Variants in COQ6 observed in about 807,000 individuals in gnomAD.
COQ6 encodes the protein coenzyme Q6, monooxygenase.
COQ6 carries 45 observed loss-of-function variants against 55.5 expected under a neutral mutation model. The ratio of observed to expected loss-of-function variants is 0.81; its 90% CI spans 0.64 to 1.04. The LOEUF (loss-of-function observed/expected upper bound fraction) is 1.04, where lower values mean the gene tolerates loss of function less well. Among genes scored for constraint, COQ6 ranks in the 50% least tolerant of loss-of-function variants. The pLI is 0.00. For missense variants in COQ6, 550 were observed against 601.3 expected, an observed-to-expected ratio of 0.91 and a Z score of 0.89; for synonymous variants, 206 against 230.5, an observed-to-expected ratio of 0.89 and a Z score of 0.96.
chr14:73,962,932 T>C (rs1555359130), intron 11 of COQ6, 38 bp from the exon 12 acceptor site: 2 of 1,518,160 alleles, frequency 1.3e-6, no homozygotes, highest in East Asian at 2.3e-5. Context: ...TTCACCTTAC[T>C]GTGTTAAGAG....
rs562083343 is a variant in COQ6 at position 73,952,628 on chromosome 14, C to T, written c.164-807C>T. ...GCTTGAGCAATCCTCCCACCTCGGC[C>T]TCCCAAAATGCTGAGATTACAGGCG... On this transcript the variant is annotated intron_variant, in intron 1 of 11. Coordinates refer to ENST00000334571, the MANE Select transcript of COQ6 (RefSeq NM_182476.3). 3.3e-5 allele frequency among the ~76,000 whole-genome samples: 5 copies of T among 152,150 alleles called. No individual in the cohort carries two copies. In the South Asian group the frequency reaches 6.2e-4, roughly 19 times the overall value.
At chr14:73,959,375 C>T (rs757765575) in intron 7 of COQ6, 40 bp from the exon 8 acceptor site, 2 of 1,614,064 alleles carry the variant, frequency 1.2e-6, no homozygotes, top group Admixed American at 1.7e-5. Flanking sequence ...CCAAGTGCAG[C>T]AGAGTCTTAG....
chr14:73,950,230 T>A (rs755525286), upstream of COQ6: 8 of 1,538,966 alleles, frequency 5.2e-6, no homozygotes, highest in African/African-American at 1.1e-4. Context: ...TTTCCGGTTC[T>A]GAGGACGCCG....
chr14:73,959,916 C>G (rs1213741668), intron 8 of COQ6: 28 of 1,175,288 alleles, frequency 2.4e-5, no homozygotes, highest in Non-Finnish European at 2.9e-5. Context: ...AGTCAGCTGT[C>G]CCTTTCTACT....
chr14:73,962,878 T>A, intron 11 of COQ6, 92 bp from the exon 12 acceptor site: 1 of 1,091,042 alleles, frequency 9.2e-7, no homozygotes, highest in Non-Finnish European at 1.4e-6. Context: ...CAAGGACACT[T>A]GGGAAGAATA....
chr14:73,959,796 C>G, intron 8 of COQ6: 1 of 1,260,010 alleles, frequency 7.9e-7, no homozygotes. Context: ...TCTCAAACTC[C>G]TGACCTCAAG....
chr14:73,953,639 G>A, intron 2 of COQ6, 70 bp downstream of exon 2: 1 of 1,593,042 alleles, frequency 6.3e-7, no homozygotes, highest in Non-Finnish European at 8.6e-7. Flanking sequence ...ATCCCATGGG[G>A]CAGAGTCATC....
In COQ6 at chr14:73,963,410, T is replaced by C; in HGVS notation, c.*411T>C. 1 of 274,994 alleles carries C rather than the reference T, an allele frequency of 3.6e-6. No homozygotes were observed. Among genetic ancestry groups the C allele is most frequent in the Non-Finnish European group, 6.8e-6 (1 of 147,420 alleles). 17.0% of individuals were successfully genotyped at this position (274,994 alleles called of 1,614,324 possible). A position where few individuals can be genotyped will look rare whatever the true frequency, so the allele number is the denominator to read the frequency against. On this transcript the variant is annotated 3_prime_UTR_variant, in exon 12 of 12. Transcript: ENST00000334571. ...AGACTCGATGCATTTTTGTTAGAATTGCTGTTTAAATGTTAACATCAGAAT... is the reference window on the plus strand; with the variant it reads ...AGACTCGATGCATTTTTGTTAGAATCGCTGTTTAAATGTTAACATCAGAAT...
rs745858687 is a variant in COQ6, at chr14:73,961,165, C to T, written c.892-8C>T. 1.9e-6 allele frequency: 3 copies of T among 1,612,718 alleles called. No homozygotes were observed. Among genetic ancestry groups the T allele is most frequent in the Non-Finnish European group, 2.5e-6 (3 of 1,179,548 alleles). On this transcript the variant is annotated splice_polypyrimidine_tract_variant and splice_region_variant and intron_variant, in intron 8 of 11. Coordinates refer to ENST00000334571, the MANE Select transcript of COQ6 (RefSeq NM_182476.3). ...CACCTTGTTTGTCTTGTGGCTGATGCTGCTCAGTGGAGTGATGCTGACCAC... is the reference window on the plus strand; with the variant it reads ...CACCTTGTTTGTCTTGTGGCTGATGTTGCTCAGTGGAGTGATGCTGACCAC...
At chr14:73,949,956 C>T, upstream of COQ6, 2 of 1,613,252 alleles carry the variant, frequency 1.2e-6, no homozygotes, top group Non-Finnish European at 1.7e-6. Flanking sequence ...CGGGGGCAGT[C>T]TCTTTTCTCT....
At chr14:73,950,711 TCTA>T in intron 1 of COQ6, 1 of 660,710 alleles carries the variant, frequency 1.5e-6, no homozygotes, top group South Asian at 2.1e-5. Context: ...CAGAGTCTGT[TCTA>T]CTCATGGGAA....
chr14:73,955,456 G>A lies in COQ6; in HGVS notation c.304G>A (p.Gly102Ser). 1 of 1,613,966 alleles carries A rather than the reference G, an allele frequency of 6.2e-7. No homozygotes were observed. Among genetic ancestry groups the A allele is most frequent in the Non-Finnish European group, 8.5e-7 (1 of 1,179,818 alleles). The part of the protein sequence containing the change: ...PGSATLLSSF[G>S]AWDHICNMRY... ...ATAGATCCTTTCTTTTGTAGGTTTT[G>A]GTGCCTGGGACCATATCTGCAACAT... The change falls in exon 3 of 12, where the codon GGT becomes AGT. Residue 102 changes from glycine (G) to serine (S), a missense_variant. Transcript: ENST00000334571.
chr14:73,957,740 A>G (rs1434033634), intron 4 of COQ6, among the ~76,000 whole-genome samples: 3 of 152,156 alleles, frequency 2.0e-5, no homozygotes, highest in East Asian at 3.9e-4. Flanking sequence ...CATAGAGCGT[A>G]TTGTTTTTAT....
At chr14:73,956,484 AAGGGTTCC>A (rs2140384882) in intron 4 of COQ6, 1 of 156,284 alleles carries the variant, frequency 6.4e-6, no homozygotes, top group South Asian at 1.9e-4. Context: ...ACCAGTCTAT[AAGGGTTCC>A]AGTTTCTCCA....
At chr14:73,951,864 G>A (rs992528751) in intron 1 of COQ6, among the ~76,000 whole-genome samples, 1 of 149,966 alleles carries the variant, frequency 6.7e-6, no homozygotes, top group African/African-American at 2.4e-5. Flanking sequence ...GGTTCTCATG[G>A]CTGCTTGGGA....
chr14:73,953,399 A>AT (rs1178626982), intron 1 of COQ6, 36 bp from the exon 2 acceptor site: 1 of 1,567,836 alleles, frequency 6.4e-7, no homozygotes, highest in South Asian at 1.1e-5. Context: ...GAAATTCTTG[A>AT]TTTTCCTAAG....
intron 1 of COQ6, 66 bp from the exon 2 acceptor site, chr14:73,953,369 T>G: frequency 1.4e-6 from 2 of 1,382,844 alleles, no homozygotes; most frequent in Non-Finnish European, 2.1e-6. Context: ...ACTCTGTTGT[T>G]TCTCTTGGTA....
At chr14:73,950,518 A>C in intron 1 of COQ6, 23 bp downstream of exon 1, 1 of 1,586,726 alleles carries the variant, frequency 6.3e-7, no homozygotes, top group Non-Finnish European at 8.6e-7. Flanking sequence ...CCAGGCTACT[A>C]GTGGCCGGAA....
Position 73,960,600 on chromosome 14 carries a change from A to G in COQ6, c.892-573A>G, listed in dbSNP as rs908667530. ...GTCCTCTGCAGTGCAGTCATTCACCATTAATTGTCCTTTCTATGTAGCAGG... is the reference window on the plus strand; with the variant it reads ...GTCCTCTGCAGTGCAGTCATTCACCGTTAATTGTCCTTTCTATGTAGCAGG... On this transcript the variant is annotated intron_variant, in intron 8 of 11. Coordinates refer to ENST00000334571, the MANE Select transcript of COQ6 (RefSeq NM_182476.3). 5.8e-6 allele frequency: 6 copies of G among 1,041,174 alleles called. No homozygotes were observed. In the African/African-American group the frequency reaches 8.4e-5, roughly 15 times the overall value. 64.5% of individuals were successfully genotyped at this position (1,041,174 alleles called of 1,614,324 possible).
Sources: allele counts gnomAD v4.1 joint callset (sites outside exome capture counted in the v4.1 genomes callset), GRCh38; gene constraint gnomAD v4.1.1; transcripts MANE v1.5; gene names NCBI Gene and HGNC (gene_info 2026-07-23, HGNC 2026-07-21).